The following SGMS1 variants were observed in gnomAD, a reference collection of about 807,000 sequenced individuals.
SGMS1 encodes the protein sphingomyelin synthase 1.
In SGMS1, 13 loss-of-function variants were observed where a neutral mutation model predicts 46.2. That is an observed-to-expected ratio of 0.28 (90% CI 0.18 to 0.45). SGMS1 has a LOEUF of 0.45. SGMS1 is among the 20% of genes least tolerant of loss of function. SGMS1 has a pLI of 1.00. For missense variants in SGMS1, 324 were observed against 519.9 expected, an observed-to-expected ratio of 0.62 and a Z score of 3.66; for synonymous variants, 203 against 187.8, an observed-to-expected ratio of 1.08 and a Z score of -0.66.
chr10:50,333,983 G>A (rs558531116), intron 7 of SGMS1, among the ~76,000 whole-genome samples: 6 of 152,344 alleles, frequency 3.9e-5, no homozygotes, highest in Non-Finnish European at 7.3e-5. Flanking sequence ...GAAATTGTAT[G>A]AGGAATTTAA....
chr10:50,601,191 C>A (rs1183511328), intron 1 of SGMS1, among the ~76,000 whole-genome samples: 1 of 152,122 alleles, frequency 6.6e-6, no homozygotes, highest in Non-Finnish European at 1.5e-5. Context: ...GTAAAATGAA[C>A]TTGCTTGGTG....
chr10:50,329,326 G>T (rs1847578658), intron 7 of SGMS1, among the ~76,000 whole-genome samples: 1 of 152,176 alleles, frequency 6.6e-6, no homozygotes, highest in South Asian at 2.1e-4. Context: ...TGAAGATTCA[G>T]TCACATTTAC....
chr10:50,583,485 A>C (rs3920545), intron 2 of SGMS1, among the ~76,000 whole-genome samples: 54,751 of 152,006 alleles, frequency 0.36, 10,930 homozygotes, highest in East Asian at 0.74. Flanking sequence ...GCTATCCAAT[A>C]GGAATAGGCC....
At position 50,388,581 on chromosome 10, in the gene SGMS1, C is replaced by T. The variant is rs571784326; in HGVS notation, c.-231-44236G>A. On this transcript the variant is annotated intron_variant, in intron 6 of 10. Coordinates refer to ENST00000361781, the MANE Select transcript of SGMS1 (RefSeq NM_147156.4). ...CGAGCTAAGTTCGCACCACTGCACTCCAGCCTGGGCGACAGAGCGAGACTG... is the reference window on the plus strand; with the variant it reads ...CGAGCTAAGTTCGCACCACTGCACTTCAGCCTGGGCGACAGAGCGAGACTG... Among the ~76,000 whole-genome samples, 742 of 151,814 alleles carry T rather than the reference C, an allele frequency of 4.9e-3. 4 individuals are homozygous for T. The highest frequency in any genetic ancestry group is 7.2e-3 in the Non-Finnish European group (488 of 67,972).
chr10:50,515,822 G>A (rs1486050378), intron 3 of SGMS1, among the ~76,000 whole-genome samples: 2 of 152,154 alleles, frequency 1.3e-5, no homozygotes, highest in Non-Finnish European at 2.9e-5. Flanking sequence ...CTACCCATTA[G>A]AATTTGCTAT....
chr10:50,471,605 C>T (rs1171037564), intron 3 of SGMS1, among the ~76,000 whole-genome samples: 1 of 152,178 alleles, frequency 6.6e-6, no homozygotes, highest in Non-Finnish European at 1.5e-5. Flanking sequence ...AGACTTTATT[C>T]AAATTAAATC....
chr10:50,322,976 A>C (rs1256634790), intron 8 of SGMS1, among the ~76,000 whole-genome samples: 3 of 152,156 alleles, frequency 2.0e-5, no homozygotes, highest in Non-Finnish European at 4.4e-5. Flanking sequence ...TAAGCCATGC[A>C]CATGTATACC....
intron 5 of SGMS1, chr10:50,460,031 G>A (rs1396706297): frequency 6.6e-6 from 1 of 152,078 alleles, no homozygotes; most frequent in East Asian, 1.9e-4. Flanking sequence ...AATAACACAG[G>A]CTGTGCCTTA....
intron 1 of SGMS1, among the ~76,000 whole-genome samples, chr10:50,599,819 C>T (rs1838632582): frequency 2.0e-5 from 3 of 152,184 alleles, no homozygotes; most frequent in South Asian, 2.1e-4. Flanking sequence ...GCCAAGATTG[C>T]ACCACTGCAC....
At chr10:50,512,542 A>G (rs1199903027) in intron 3 of SGMS1, among the ~76,000 whole-genome samples, 1 of 152,138 alleles carries the variant, frequency 6.6e-6, no homozygotes, top group African/African-American at 2.4e-5. Context: ...TCTGTGCACA[A>G]GGCAATGACC....
intron 2 of SGMS1, among the ~76,000 whole-genome samples, chr10:50,563,733 A>C (rs1838262856): frequency 9.0e-6 from 1 of 111,408 alleles, no homozygotes; most frequent in African/African-American, 3.5e-5. Context: ...ACAGAGCGAG[A>C]CTCCGTCTCA....
intron 8 of SGMS1, among the ~76,000 whole-genome samples, chr10:50,322,926 T>C (rs891787737): frequency 6.7e-6 from 1 of 150,302 alleles, no homozygotes; most frequent in Non-Finnish European, 1.5e-5. Flanking sequence ...GAGAGTAACA[T>C]GGGCTAATCA....
chr10:50,322,695 G>A (rs534736655), intron 8 of SGMS1, among the ~76,000 whole-genome samples: 35 of 151,498 alleles, frequency 2.3e-4, no homozygotes, highest in African/African-American at 7.8e-4. Flanking sequence ...AGCCGGGCGC[G>A]GTGGCGGGCG....
At chr10:50,613,298 A>G (rs1838767190) in intron 1 of SGMS1, among the ~76,000 whole-genome samples, 1 of 152,182 alleles carries the variant, frequency 6.6e-6, no homozygotes, top group African/African-American at 2.4e-5. Context: ...CTAGGTGTGC[A>G]GCTTTGATAC....
intron 2 of SGMS1, among the ~76,000 whole-genome samples, chr10:50,544,002 A>G (rs779572065): frequency 6.6e-6 from 1 of 152,224 alleles, no homozygotes; most frequent in Non-Finnish European, 1.5e-5. Flanking sequence ...CACTACCAAA[A>G]TCAAAGCTTA....
intron 5 of SGMS1, among the ~76,000 whole-genome samples, chr10:50,445,219 G>T (rs756344462): frequency 6.6e-6 from 1 of 152,166 alleles, no homozygotes; most frequent in Non-Finnish European, 1.5e-5. Flanking sequence ...AGTTGGCAAA[G>T]ACTTGGAGTA....
chr10:50,363,099 A>T (rs1848277359), intron 6 of SGMS1, among the ~76,000 whole-genome samples: 1 of 149,314 alleles, frequency 6.7e-6, no homozygotes, highest in Non-Finnish European at 1.5e-5. Flanking sequence ...GATTTCCAAA[A>T]AGGTATTTCA....
At chr10:50,594,473 T>C (rs531618612) in intron 1 of SGMS1, among the ~76,000 whole-genome samples, 2 of 152,330 alleles carry the variant, frequency 1.3e-5, no homozygotes, top group East Asian at 1.9e-4. Flanking sequence ...TGTGAAATAA[T>C]GGAATATCTA....
intron 4 of SGMS1, among the ~76,000 whole-genome samples, chr10:50,461,105 T>C (rs1187527586): frequency 6.6e-6 from 1 of 152,196 alleles, no homozygotes; most frequent in Non-Finnish European, 1.5e-5. Context: ...CCTATAACTA[T>C]AAAAGGTGTT....
Sources: allele counts gnomAD v4.1 joint callset (sites outside exome capture counted in the v4.1 genomes callset), GRCh38; gene constraint gnomAD v4.1.1; transcripts MANE v1.5; gene names NCBI Gene and HGNC (gene_info 2026-07-23, HGNC 2026-07-21).